PDLIM5: variants seen among roughly 807,000 people sequenced by gnomAD.
PDLIM5 encodes PDZ and LIM domain protein 5.
In PDLIM5, 34 loss-of-function variants were observed where a neutral mutation model predicts 64.2. The observed-to-expected ratio is 0.53, with a 90% CI of 0.40 to 0.71. The LOEUF is 0.71. PDLIM5 is among the 30% of genes least tolerant of loss of function. PDLIM5 has a pLI of 0.00. For synonymous variants in PDLIM5, 253 were observed against 269.1 expected (o/e 0.94, Z 0.59); for missense variants, 683 against 733.6 (o/e 0.93, Z 0.80).
At chr4:94,565,623 C>T (rs1479099401) in intron 3 of PDLIM5, among the ~76,000 whole-genome samples, 2 of 152,090 alleles carry the variant, frequency 1.3e-5, no homozygotes, top group Admixed American at 1.3e-4. Flanking sequence ...AATAGAACAC[C>T]CAATTTAGCA....
chr4:94,494,432 G>GGTTTTTTTTTTTTTTTGTTTTTTTTTTT (rs1553940971), intron 2 of PDLIM5, among the ~76,000 whole-genome samples: 1 of 70,764 alleles, frequency 1.4e-5, no homozygotes. Flanking sequence ...TTTTTTTCTT[G>GGTTTTTTTTTTTTTTTGTTTTTTTTTTT]TTTTTTTTTT....
At chr4:94,645,593 G>A (rs1427721154) in intron 9 of PDLIM5, among the ~76,000 whole-genome samples, 2 of 152,078 alleles carry the variant, frequency 1.3e-5, no homozygotes, top group Non-Finnish European at 2.9e-5. Context: ...AATGAACCAG[G>A]CACTGTTTTA....
intron 2 of PDLIM5, among the ~76,000 whole-genome samples, chr4:94,474,504 GCTTC>G (rs1234950827): frequency 6.6e-6 from 1 of 152,150 alleles, no homozygotes; most frequent in Non-Finnish European, 1.5e-5. Context: ...GCCCACCTTG[GCTTC>G]CCAAAGTGCT....
chr4:94,473,232 G>T (rs1015052184), intron 2 of PDLIM5, among the ~76,000 whole-genome samples: 6 of 152,124 alleles, frequency 3.9e-5, no homozygotes, highest in Non-Finnish European at 8.8e-5. Flanking sequence ...GGCAGAATGA[G>T]AGGGAGAATA....
chr4:94,638,099 A>G (rs1048787169), intron 8 of PDLIM5, among the ~76,000 whole-genome samples: 17 of 152,236 alleles, frequency 1.1e-4, no homozygotes, highest in Non-Finnish European at 2.5e-4. Context: ...AAGAAGAAAT[A>G]CATTTTACAT....
chr4:94,665,973 C>T lies in PDLIM5; in HGVS notation c.*1906C>T, dbSNP rs1743063314. 1 of 1,530,698 alleles carries T rather than the reference C, an allele frequency of 6.5e-7. No individual in the cohort carries two copies. The highest frequency in any genetic ancestry group is 1.4e-5 in the African/African-American group (1 of 72,942). 94.8% of individuals were successfully genotyped at this position (1,530,698 alleles called of 1,614,324 possible). A position where few individuals can be genotyped will look rare whatever the true frequency, so the allele number is the denominator to read the frequency against. ...ACTGTGGATCCTGTTGCTATTTGCC[C>T]AGTGAGAAAACAGATTCTGGTATTT... On this transcript the variant is annotated 3_prime_UTR_variant, in exon 13 of 13. Coordinates refer to ENST00000317968, the MANE Select transcript of PDLIM5 (RefSeq NM_006457.5).
At chr4:94,632,866 GA>G (rs1309073910) in intron 8 of PDLIM5, among the ~76,000 whole-genome samples, 2 of 152,262 alleles carry the variant, frequency 1.3e-5, no homozygotes, top group Admixed American at 6.5e-5. Flanking sequence ...TCTTCAGAAA[GA>G]AAAATAGCCC....
chr4:94,459,774 A>ATC (rs1172419782), intron 2 of PDLIM5, among the ~76,000 whole-genome samples: 1 of 152,148 alleles, frequency 6.6e-6, no homozygotes, highest in East Asian at 1.9e-4. Context: ...CCTTTAGGAG[A>ATC]AGTTAATTGA....
chr4:94,612,451 A>G (rs1428887545), intron 7 of PDLIM5, among the ~76,000 whole-genome samples: 1 of 152,150 alleles, frequency 6.6e-6, no homozygotes, highest in African/African-American at 2.4e-5. Flanking sequence ...CCATGCTTAG[A>G]GTACACTTTG....
chr4:94,478,604 A>G (rs1725544427), intron 2 of PDLIM5, among the ~76,000 whole-genome samples: 1 of 152,156 alleles, frequency 6.6e-6, no homozygotes, highest in Non-Finnish European at 1.5e-5. Context: ...TGATTTTGTG[A>G]CTGCTAATTT....
intron 8 of PDLIM5, among the ~76,000 whole-genome samples, chr4:94,619,162 C>T (rs953284): frequency 6.6e-6 from 1 of 152,156 alleles, no homozygotes; most frequent in Non-Finnish European, 1.5e-5. Context: ...GCCCCACATT[C>T]TCACAGTAAC....
intron 2 of PDLIM5, among the ~76,000 whole-genome samples, chr4:94,471,623 A>G (rs1724876982): frequency 6.6e-6 from 1 of 152,200 alleles, no homozygotes. Context: ...CCTGGAACAG[A>G]ATGCCTGTGT....
intron 3 of PDLIM5, among the ~76,000 whole-genome samples, chr4:94,562,529 C>T (rs777721122): frequency 6.6e-6 from 1 of 152,108 alleles, no homozygotes; most frequent in Non-Finnish European, 1.5e-5. Context: ...GAGATAAGCA[C>T]TGAAATTGAG....
In PDLIM5 at chr4:94,665,693, TTTC is replaced by T. The variant is rs1743048812; in HGVS notation, c.*1634_*1636del. ...AGAATGATCTTTTTGTTTCGTTTTG[TTTC>T]TTCTTCTGCATTTAAAAATTAAAAG... On this transcript the variant is annotated 3_prime_UTR_variant, in exon 13 of 13. Coordinates refer to ENST00000317968, the MANE Select transcript of PDLIM5 (RefSeq NM_006457.5). 2.7e-6 allele frequency: 3 copies of T among 1,106,892 alleles called. No individual in the cohort carries two copies. Among genetic ancestry groups the T allele is most frequent in the Middle Eastern group, 3.9e-4 (1 of 2,546 alleles). The allele number at this position is 1,106,892 out of a possible 1,614,324, so 68.6% of individuals were successfully genotyped here.
At chr4:94,638,799 A>T (rs979822712) in intron 8 of PDLIM5, among the ~76,000 whole-genome samples, 4 of 152,284 alleles carry the variant, frequency 2.6e-5, no homozygotes, top group Non-Finnish European at 5.9e-5. Context: ...TTTCTCATTC[A>T]TTCACTTTTG....
intron 2 of PDLIM5, among the ~76,000 whole-genome samples, chr4:94,478,832 TA>T (rs754850521): frequency 1.3e-5 from 2 of 151,628 alleles, no homozygotes; most frequent in Non-Finnish European, 2.9e-5. Context: ...TCATTAAAAT[TA>T]TTTTTTTGGT....
intron 2 of PDLIM5, among the ~76,000 whole-genome samples, chr4:94,510,516 G>C (rs1477372369): frequency 2.0e-5 from 3 of 152,020 alleles, no homozygotes. Flanking sequence ...ATTATTATAC[G>C]AAAACGCAGA....
chr4:94,544,754 C>A (rs1291841790), intron 3 of PDLIM5, among the ~76,000 whole-genome samples: 1 of 152,178 alleles, frequency 6.6e-6, no homozygotes, highest in Non-Finnish European at 1.5e-5. Context: ...CTCTCAGGCT[C>A]AAGTGATTCT....
chr4:94,661,044 A>G (rs931924961), intron 11 of PDLIM5, among the ~76,000 whole-genome samples: 1 of 152,122 alleles, frequency 6.6e-6, no homozygotes, highest in Non-Finnish European at 1.5e-5. Flanking sequence ...AGATCGCGCC[A>G]CTACACTTCA....
Sources: allele counts gnomAD v4.1 joint callset (sites outside exome capture counted in the v4.1 genomes callset), GRCh38; gene constraint gnomAD v4.1.1; transcripts MANE v1.5; gene names NCBI Gene and HGNC (gene_info 2026-07-23, HGNC 2026-07-21).